The following ANKS1B variants were observed in gnomAD, a reference collection of about 807,000 sequenced individuals.
ANKS1B encodes the protein ankyrin repeat and sterile alpha motif domain-containing protein 1B.
A neutral mutation model predicts 148.3 loss-of-function variants in ANKS1B; 36 were observed. The ratio of observed to expected loss-of-function variants is 0.24; its 90% CI spans 0.19 to 0.32. The LOEUF is 0.32. Among genes scored for constraint, ANKS1B ranks in the 10% least tolerant of loss-of-function variants. ANKS1B has a pLI of 1.00. For missense variants in ANKS1B, 1,157 were observed against 1,542.6 expected, an observed-to-expected ratio of 0.75 and a Z score of 4.19; for synonymous variants, 542 against 560.8, an observed-to-expected ratio of 0.97 and a Z score of 0.47.
chr12:98,931,357 T>C lies in ANKS1B; in HGVS notation c.2779-99221A>G, dbSNP rs567949025. Among the ~76,000 whole-genome samples, 10 of 152,192 alleles carry C rather than the reference T, an allele frequency of 6.6e-5. No homozygotes were observed. In the South Asian group the frequency reaches 2.1e-3, roughly 32 times the overall value. On this transcript the variant is annotated intron_variant, in intron 17 of 26. Coordinates refer to ENST00000683438, the MANE Select transcript of ANKS1B (RefSeq NM_001352186.2). The stretch of plus-strand genomic sequence containing the variant: ...TGTTTTTTATGACCTGAAAATGTAT[T>C]TAGTATGAAAAGAAAATGACTTCTT...
chr12:99,688,127 A>T (rs925724398), intron 8 of ANKS1B, among the ~76,000 whole-genome samples: 2 of 152,084 alleles, frequency 1.3e-5, no homozygotes, highest in African/African-American at 4.8e-5. Flanking sequence ...CACTGTTGGG[A>T]ATATAAAACA....
chr12:99,148,992 T>C (rs1446416714), intron 15 of ANKS1B, among the ~76,000 whole-genome samples: 1 of 152,016 alleles, frequency 6.6e-6, no homozygotes, highest in African/African-American at 2.4e-5. Flanking sequence ...GGCAGGTATT[T>C]TTCTCTTGTA....
chr12:99,899,552 T>C (rs1445880835), intron 1 of ANKS1B, among the ~76,000 whole-genome samples: 3 of 152,192 alleles, frequency 2.0e-5, no homozygotes, highest in African/African-American at 7.2e-5. Context: ...TTAGCAATAG[T>C]ATTCATTTTA....
intron 17 of ANKS1B, among the ~76,000 whole-genome samples, chr12:98,965,844 T>C (rs1202121694): frequency 6.6e-6 from 1 of 152,188 alleles, no homozygotes; most frequent in African/African-American, 2.4e-5. Context: ...TGGCTAGCCA[T>C]ATGTAGAAAG....
At chr12:99,050,973 C>T (rs1000635221) in intron 17 of ANKS1B, among the ~76,000 whole-genome samples, 1 of 151,816 alleles carries the variant, frequency 6.6e-6, no homozygotes, top group Admixed American at 6.6e-5. Context: ...CTGGGATTAC[C>T]GGCGTGAACC....
At chr12:98,788,158 A>G (rs1444801332) in intron 22 of ANKS1B, among the ~76,000 whole-genome samples, 1 of 151,832 alleles carries the variant, frequency 6.6e-6, no homozygotes, top group East Asian at 1.9e-4. Flanking sequence ...TAATCCCAGC[A>G]CTTTGGAAGG....
chr12:99,765,907 A>G (rs1478265193), intron 8 of ANKS1B, among the ~76,000 whole-genome samples: 1 of 152,162 alleles, frequency 6.6e-6, no homozygotes, highest in Non-Finnish European at 1.5e-5. Context: ...ATATCAAGCA[A>G]CTTCCAAAGG....
At chr12:98,919,415 C>A (rs1168390056) in intron 17 of ANKS1B, among the ~76,000 whole-genome samples, 1 of 152,170 alleles carries the variant, frequency 6.6e-6, no homozygotes, top group Non-Finnish European at 1.5e-5. Flanking sequence ...AACATATGAT[C>A]AAGGGCGGAG....
chr12:99,490,140 C>T (rs1195753257), intron 10 of ANKS1B, among the ~76,000 whole-genome samples: 1 of 152,138 alleles, frequency 6.6e-6, no homozygotes, highest in Admixed American at 6.6e-5. Context: ...GTCTTACACA[C>T]CTAGTTGACC....
intron 14 of ANKS1B, among the ~76,000 whole-genome samples, chr12:99,239,958 A>G (rs2088915631): frequency 1.3e-5 from 2 of 152,240 alleles, no homozygotes; most frequent in Non-Finnish European, 2.9e-5. Flanking sequence ...AGCCACTGCA[A>G]AAACATGCCA....
chr12:98,790,960 T>TA (rs34743530), intron 22 of ANKS1B, among the ~76,000 whole-genome samples: 2 of 152,098 alleles, frequency 1.3e-5, no homozygotes, highest in African/African-American at 2.4e-5. Flanking sequence ...ACAAGGGCTA[T>TA]AAAAAATAAC....
chr12:99,608,240 A>T (rs1260126309), intron 9 of ANKS1B, among the ~76,000 whole-genome samples: 2 of 152,010 alleles, frequency 1.3e-5, no homozygotes, highest in African/African-American at 4.8e-5. Flanking sequence ...CTTTGTGTGC[A>T]TGGGTGTGGT....
chr12:99,795,724 C>T (rs2066168513), intron 4 of ANKS1B, among the ~76,000 whole-genome samples: 1 of 151,936 alleles, frequency 6.6e-6, no homozygotes, highest in South Asian at 2.1e-4. Flanking sequence ...TTCCAAGCAC[C>T]CCAGTGGATG....
exon 10 of ANKS1B, chr12:98,735,113 A>G (rs752145548): frequency 2.8e-5 from 11 of 398,450 alleles, no homozygotes; most frequent in East Asian, 1.4e-4. Context: ...ACAAGGTAAC[A>G]TGAAGAAAGA....
At chr12:99,848,037 G>A (rs2086994531) in intron 1 of ANKS1B, among the ~76,000 whole-genome samples, 2 of 152,116 alleles carry the variant, frequency 1.3e-5, no homozygotes, top group South Asian at 4.2e-4. Context: ...AGCCTGAATT[G>A]GGGCAGCAAA....
chr12:99,844,352 C>G (rs917478158), intron 1 of ANKS1B, among the ~76,000 whole-genome samples: 1 of 152,076 alleles, frequency 6.6e-6, no homozygotes, highest in Non-Finnish European at 1.5e-5. Flanking sequence ...AGGTTTTCTT[C>G]CAGGGTTTTT....
At chr12:99,905,553 C>T (rs1442947930) in intron 1 of ANKS1B, among the ~76,000 whole-genome samples, 1 of 152,194 alleles carries the variant, frequency 6.6e-6, no homozygotes, top group Non-Finnish European at 1.5e-5. Flanking sequence ...AAAGTTGTAT[C>T]AGTTGCTGGG....
chr12:99,766,659 T>C (rs956281850), intron 8 of ANKS1B, among the ~76,000 whole-genome samples: 1 of 152,156 alleles, frequency 6.6e-6, no homozygotes, highest in Non-Finnish European at 1.5e-5. Context: ...ATCCAAAAGG[T>C]CTGTTCAACT....
At chr12:98,867,551 ATT>A (rs2099630882) in intron 17 of ANKS1B, among the ~76,000 whole-genome samples, 1 of 152,154 alleles carries the variant, frequency 6.6e-6, no homozygotes, top group African/African-American at 2.4e-5. Flanking sequence ...CTTAGAACAA[ATT>A]ATGTCTTTTA....
Sources: allele counts gnomAD v4.1 joint callset (sites outside exome capture counted in the v4.1 genomes callset), GRCh38; gene constraint gnomAD v4.1.1; transcripts MANE v1.5; gene names NCBI Gene and HGNC (gene_info 2026-07-23, HGNC 2026-07-21).